Variants in CAMK1 observed in about 807,000 individuals in gnomAD.
CAMK1 encodes calcium/calmodulin dependent protein kinase I.
A neutral mutation model predicts 49.1 loss-of-function variants in CAMK1; 39 were observed. The ratio of observed to expected loss-of-function variants is 0.79; its 90% confidence interval spans 0.62 to 1.04. CAMK1 has a LOEUF of 1.04. Among genes scored for constraint, CAMK1 ranks in the 50% least tolerant of loss-of-function variants. The pLI is 0.00. For missense variants in CAMK1, 457 were observed against 472.2 expected (o/e 0.97, Z 0.30); for synonymous variants, 192 against 185.2 (o/e 1.04, Z -0.30).
At chr3:9,765,579 A>G (rs960519742) in intron 3 of CAMK1, among the ~76,000 whole-genome samples, 180 bp downstream of exon 3, 1 of 152,164 alleles carries the variant, frequency 6.6e-6, no homozygotes, top group Non-Finnish European at 1.5e-5. Flanking sequence ...CAGGCACTTG[A>G]AATAAAGGAC....
intron 10 of CAMK1, chr3:9,759,216 C>T: frequency 6.2e-7 from 1 of 1,614,104 alleles, no homozygotes; most frequent in Non-Finnish European, 8.5e-7. Flanking sequence ...CTTTTATGAC[C>T]TTTCTCGGAC....
At chr3:9,761,958 G>GA (rs778506528) in intron 5 of CAMK1, 79 of 664,670 alleles carry the variant, frequency 1.2e-4, no homozygotes, top group Admixed American at 4.3e-4. Context: ...GTGTGGGGGG[G>GA]AACTGTCTCT....
chr3:9,764,156 C>A (rs1471962476), intron 3 of CAMK1, among the ~76,000 whole-genome samples: 1 of 152,202 alleles, frequency 6.6e-6, no homozygotes. Flanking sequence ...TCAGTTTCTT[C>A]ATCTATAAAA....
At chr3:9,760,542 T>C (rs2077806599) in intron 8 of CAMK1, 114 bp downstream of exon 8, 2 of 1,039,252 alleles carry the variant, frequency 1.9e-6, no homozygotes, top group Non-Finnish European at 3.0e-6. Flanking sequence ...AGACAGCTCT[T>C]TGTGTGGTGC....
At position 9,761,596 on chromosome 3, in the gene CAMK1, C is replaced by A. The variant is rs369444327; in HGVS notation, c.556+35G>T. The stretch of plus-strand genomic sequence containing the variant: ...TCTGCCCTTCAACTCCTGGTTCCCC[C>A]CACCATCACAGCCCCAGCCCAGGGC... On this transcript the variant is annotated intron_variant, in intron 6 of 11. Transcript: ENST00000256460. The A allele has an allele frequency of 1.4e-5, 23 of 1,613,670 alleles. No individual in the cohort carries two copies. The African/African-American group carries it at 2.9e-4, about 21-fold the overall frequency.
At chr3:9,762,194 T>C (rs2077908411) in intron 5 of CAMK1, 1 of 163,870 alleles carries the variant, frequency 6.1e-6, no homozygotes, top group Admixed American at 5.9e-5. Context: ...AAACCAGGCA[T>C]GTCACACCCC....
intron 1 of CAMK1, 70 bp from the exon 2 acceptor site, chr3:9,767,851 C>A: frequency 6.6e-7 from 1 of 1,518,312 alleles, no homozygotes; most frequent in South Asian, 1.2e-5. Context: ...CTGCAGGCCC[C>A]ATTCAGTCAT....
rs773044708 is a variant in CAMK1, at chr3:9,763,153, G to T, written c.276C>A (p.Tyr92Ter). Reference sequence around the variant, plus strand: ...GGGCCACTCACAGCTGCATGATGAGGTAGAGGTGGCCCCCACTCTCATAGA... The same window carrying T: ...GGGCCACTCACAGCTGCATGATGAGTTAGAGGTGGCCCCCACTCTCATAGA... ...DDIYESGGHL[Y>*]LIMQLVSGGE... Residue 92 changes from tyrosine to a stop codon, truncating the protein, a stop_gained, in exon 4 of 12, where the codon TAC becomes TAA. Transcript: ENST00000256460. LOFTEE classifies it high-confidence loss of function. 1.2e-6 allele frequency: 2 copies of T among 1,614,114 alleles called. No homozygotes were observed. Among genetic ancestry groups the T allele is most frequent in the Non-Finnish European group, 1.7e-6 (2 of 1,180,032 alleles).
chr3:9,759,389 G>A, intron 10 of CAMK1, 99 bp downstream of exon 10: 1 of 1,565,226 alleles, frequency 6.4e-7, no homozygotes, highest in Non-Finnish European at 8.8e-7. Context: ...CAGTTACTGT[G>A]TGCCCAGTGT....
At chr3:9,763,947 T>C (rs2078015087) in intron 3 of CAMK1, among the ~76,000 whole-genome samples, 1 of 151,860 alleles carries the variant, frequency 6.6e-6, no homozygotes, top group African/African-American at 2.4e-5. Flanking sequence ...GATCATGCCA[T>C]TACACTCCAG....
chr3:9,767,606 A>G (rs1177167617), intron 2 of CAMK1, 61 bp downstream of exon 2: 7 of 1,604,214 alleles, frequency 4.4e-6, no homozygotes, highest in Non-Finnish European at 5.1e-6. Flanking sequence ...GACCAGAGGA[A>G]GCCCCACCCT....
At chr3:9,761,891 AAATC>A (rs1307993980) in intron 5 of CAMK1, 134 bp from the exon 6 acceptor site, 2 of 1,396,146 alleles carry the variant, frequency 1.4e-6, no homozygotes, top group African/African-American at 1.4e-5. Flanking sequence ...TGTCATAAGA[AAATC>A]AAGGAAGCTC....
At chr3:9,765,718 C>T in intron 3 of CAMK1, 41 bp downstream of exon 3, 1 of 1,607,616 alleles carries the variant, frequency 6.2e-7, no homozygotes, top group Non-Finnish European at 8.5e-7. Context: ...AGGGCCAAGG[C>T]AGGGTCAGCT....
chr3:9,762,805 A>C (rs2077947517), intron 5 of CAMK1, 109 bp downstream of exon 5: 2 of 1,070,394 alleles, frequency 1.9e-6, no homozygotes, highest in Non-Finnish European at 2.8e-6. Context: ...TGTAGATGGA[A>C]ATCCAAGGCT....
rs761042904 is a variant in CAMK1 at position 9,767,686 on chromosome 3, AGTCGTAGATGTCTCTAAT to A, written c.46_63del (p.Ile16_Asp21del). On this transcript the variant is annotated inframe_deletion, in exon 2 of 12. Coordinates refer to ENST00000256460, the MANE Select transcript of CAMK1 (RefSeq NM_003656.5). ...ACTCACGTGCCCAGAACATCTCGGA[AGTCGTAGATGTCTCTAAT>A]GTCCTCCGCCTGCTTCCACCTGGGG... The A allele has an allele frequency of 6.8e-6, 11 of 1,614,144 alleles. No individual in the cohort carries two copies. The highest frequency in any genetic ancestry group is 8.5e-6 in the Non-Finnish European group (10 of 1,180,010).
intron 2 of CAMK1, among the ~76,000 whole-genome samples, chr3:9,766,900 G>A (rs911057514): frequency 1.3e-5 from 2 of 151,972 alleles, no homozygotes; most frequent in South Asian, 2.1e-4. Flanking sequence ...AGTGTCTCCC[G>A]GTGGCCTATG....
At chr3:9,764,560 C>T in intron 3 of CAMK1, among the ~76,000 whole-genome samples, 1 of 150,748 alleles carries the variant, frequency 6.6e-6, no homozygotes, top group Non-Finnish European at 1.5e-5. Context: ...GATCTGCCCA[C>T]TTCAGCCTCT....
chr3:9,765,795 T>G lies in CAMK1; in HGVS notation c.179A>C (p.Glu60Ala), dbSNP rs1361784414. Residue 60 changes from glutamate (E) to alanine (A), a missense_variant, in exon 3 of 12, where the codon GAA becomes GCA. Coordinates refer to ENST00000256460, the MANE Select transcript of CAMK1 (RefSeq NM_003656.5). Reference protein sequence around the residue: ...CIAKEALEGKEGSMENEIAVL... With the variant: ...CIAKEALEGKAGSMENEIAVL... Reference sequence around the variant, plus strand: ...AGCAATCTCATTCTCCATGCTGCCTTCCTTGCCCTCCAGGGCCTCCTTGGC... The same window carrying G: ...AGCAATCTCATTCTCCATGCTGCCTGCCTTGCCCTCCAGGGCCTCCTTGGC... 8.1e-6 allele frequency: 13 copies of G among 1,614,074 alleles called. No homozygotes were observed. The highest frequency in any genetic ancestry group is 1.1e-5 in the Non-Finnish European group (13 of 1,179,982).
At chr3:9,763,380 G>A (rs1437646870) in intron 3 of CAMK1, 167 bp from the exon 4 acceptor site, 1 of 246,480 alleles carries the variant, frequency 4.1e-6, no homozygotes, top group Admixed American at 6.7e-5. Flanking sequence ...CTCCAGCCTG[G>A]GCAACAGAGT....
Sources: gnomAD v4.1 joint callset for allele counts (sites outside exome capture counted in the v4.1 genomes callset) on GRCh38, gnomAD v4.1.1 for gene constraint, MANE v1.5 for transcripts, NCBI Gene and HGNC (gene_info 2026-07-23, HGNC 2026-07-21) for gene names.